Variants in KALRN observed in about 807,000 individuals in gnomAD.
KALRN encodes kalirin RhoGEF kinase, also known as kalirin.
Under a neutral mutation model 353.7 loss-of-function variants are expected in KALRN, and 70 were observed. That is an observed-to-expected ratio of 0.20 (90% confidence interval 0.16 to 0.24). The LOEUF (loss-of-function observed/expected upper bound fraction) is 0.24, where lower values mean the gene tolerates loss of function less well. Among genes scored for constraint, KALRN ranks in the 10% least tolerant of loss-of-function variants. The pLI, the probability that KALRN is intolerant of heterozygous loss-of-function variation, is 1.00. For missense variants in KALRN, 2,791 were observed against 3,756.7 expected (o/e 0.74, Z 6.72); for synonymous variants, 1,391 against 1,434.8 (o/e 0.97, Z 0.69).
rs1332503546 is a variant in KALRN at position 124,685,951 on chromosome 3, GCTGTCAAAGTTCA to G, written c.7377+6437_7377+6449del. Among the ~76,000 whole-genome samples the G allele has an allele frequency of 2.6e-5, 4 of 151,636 alleles. No homozygotes were observed. In the East Asian group the frequency reaches 7.7e-4, roughly 29 times the overall value. On this transcript the variant is annotated intron_variant, in intron 51 of 59. Coordinates refer to ENST00000682506, the MANE Select transcript of KALRN (RefSeq NM_001388419.1). ...CATCACCCCCCAACCCCACCCCCAT[GCTGTCAAAGTTCA>G]CTCAGCGTGAGTTCCTAGTCAGTTC...
intron 51 of KALRN, 21 bp downstream of exon 51, chr3:124,679,538 C>G (rs774759843): frequency 1.3e-6 from 2 of 1,597,304 alleles, no homozygotes; most frequent in Non-Finnish European, 1.7e-6. Context: ...CTATTGTTGT[C>G]CTATTTCCTA....
intron 12 of KALRN, 111 bp from the exon 13 acceptor site, chr3:124,398,586 C>T (rs1481944239): frequency 1.1e-5 from 12 of 1,046,480 alleles, no homozygotes; most frequent in Non-Finnish European, 1.6e-5. Flanking sequence ...GATTGAATGA[C>T]TCAACTGATT....
At chr3:124,666,317 TC>T (rs1159715636) in intron 45 of KALRN, 131 bp from the exon 46 acceptor site, 16 of 808,404 alleles carry the variant, frequency 2.0e-5, no homozygotes, top group Non-Finnish European at 2.7e-5. Context: ...TTCAGTCTCT[TC>T]CTAGAGCCCT....
At chr3:124,496,517 C>G in intron 33 of KALRN, 104 bp downstream of exon 33, 2 of 810,018 alleles carry the variant, frequency 2.5e-6, no homozygotes, top group South Asian at 3.1e-5. Context: ...ATCCTACCTT[C>G]AGGAGCCAGT....
At chr3:124,350,176 A>G (rs2082698267) in intron 10 of KALRN, among the ~76,000 whole-genome samples, 1 of 152,204 alleles carries the variant, frequency 6.6e-6, no homozygotes, top group Non-Finnish European at 1.5e-5. Context: ...TGTTACAACC[A>G]TTCAAGACCC....
intron 3 of KALRN, among the ~76,000 whole-genome samples, chr3:124,245,100 G>A (rs1300680635): frequency 6.6e-6 from 1 of 152,006 alleles, no homozygotes; most frequent in African/African-American, 2.4e-5. Context: ...TTCCTTCTAT[G>A]TAACTGTATT....
chr3:124,269,238 G>T lies in KALRN; in HGVS notation c.952G>T (p.Glu318Ter). The stretch of plus-strand genomic sequence containing the variant: ...CCAGTGCTTTCAGCTGCGGCTCTTC[G>T]AGCAGGATGCTGAGAAGGTAGGAAG... ...LDQCFQLRLF[E>*]QDAEKMFDWI... Residue 318 changes from glutamate (E) to a stop codon, truncating the protein, a stop_gained, in exon 5 of 60, where the codon GAG (glutamate) becomes TAG (stop). Coordinates refer to ENST00000682506, the MANE Select transcript of KALRN (RefSeq NM_001388419.1). LOFTEE classifies it high-confidence loss of function. 1 of 1,598,254 alleles carries T rather than the reference G, an allele frequency of 6.3e-7. No individual in the cohort carries two copies. Among genetic ancestry groups the T allele is most frequent in the South Asian group, 1.1e-5 (1 of 90,334 alleles).
chr3:124,402,322 A>T (rs943159584), intron 13 of KALRN, among the ~76,000 whole-genome samples: 11 of 152,232 alleles, frequency 7.2e-5, no homozygotes, highest in African/African-American at 2.7e-4. Flanking sequence ...CCATAGCTGG[A>T]TTCCTGGTAT....
chr3:124,282,441 A>G (rs1326476166), intron 5 of KALRN, among the ~76,000 whole-genome samples: 3 of 148,240 alleles, frequency 2.0e-5, no homozygotes, highest in African/African-American at 7.4e-5. Context: ...GCAATGGCAC[A>G]ATCTTGGCTC....
intron 2 of KALRN, among the ~76,000 whole-genome samples, chr3:124,230,163 A>G (rs895305536): frequency 1.3e-5 from 2 of 152,162 alleles, no homozygotes; most frequent in East Asian, 1.9e-4. Context: ...TGGGAGCCCA[A>G]TCTTATCTTT....
At chr3:124,661,273 T>C (rs757490641) in intron 44 of KALRN, among the ~76,000 whole-genome samples, 1 of 152,236 alleles carries the variant, frequency 6.6e-6, no homozygotes, top group East Asian at 1.9e-4. Context: ...AGAGATTAGA[T>C]GTAAGTTGCA....
intron 36 of KALRN, among the ~76,000 whole-genome samples, chr3:124,634,314 A>C (rs538923067): frequency 1.3e-5 from 2 of 152,328 alleles, no homozygotes; most frequent in East Asian, 3.9e-4. Context: ...TACAACCTGC[A>C]TGTTAGTTGT....
intron 33 of KALRN, among the ~76,000 whole-genome samples, chr3:124,543,696 T>A (rs944247916): frequency 3.3e-5 from 5 of 151,996 alleles, no homozygotes; most frequent in Admixed American, 3.3e-4. Flanking sequence ...TTTTTTTTTT[T>A]ATTACTTGAT....
At chr3:124,235,148 A>C (rs895759833) in intron 3 of KALRN, among the ~76,000 whole-genome samples, 1 of 152,168 alleles carries the variant, frequency 6.6e-6, no homozygotes. Flanking sequence ...TGGGAGCTGG[A>C]AGTGGCAACT....
chr3:124,694,280 T>C, intron 52 of KALRN, 52 bp from the exon 53 acceptor site: 2 of 1,573,846 alleles, frequency 1.3e-6, no homozygotes, highest in Non-Finnish European at 1.7e-6. Context: ...AAATGGCCAT[T>C]TTATTCTAAA....
intron 33 of KALRN, among the ~76,000 whole-genome samples, chr3:124,498,695 C>T (rs757299059): frequency 2.6e-5 from 4 of 152,140 alleles, no homozygotes; most frequent in Non-Finnish European, 4.4e-5. Context: ...GACATAGTCA[C>T]ACTTTCAAAA....
intron 39 of KALRN, among the ~76,000 whole-genome samples, chr3:124,656,680 G>T (rs1209097533): frequency 6.6e-6 from 1 of 152,150 alleles, no homozygotes; most frequent in African/African-American, 2.4e-5. Context: ...TACATTGCCT[G>T]CTGGTTCCTT....
chr3:124,713,366 G>A (rs548448731), intron 58 of KALRN, among the ~76,000 whole-genome samples: 3 of 152,266 alleles, frequency 2.0e-5, no homozygotes, highest in Admixed American at 6.5e-5. Context: ...CTTAAGACTA[G>A]GAATGGAGAA....
At chr3:124,459,149 C>G (rs949975109) in intron 23 of KALRN, among the ~76,000 whole-genome samples, 17 of 152,194 alleles carry the variant, frequency 1.1e-4, no homozygotes, top group African/African-American at 3.1e-4. Flanking sequence ...CCCTCCTCCC[C>G]TGACTTGCTC....
Sources: gnomAD v4.1 joint callset for allele counts (sites outside exome capture counted in the v4.1 genomes callset) on GRCh38, gnomAD v4.1.1 for gene constraint, MANE v1.5 for transcripts, NCBI Gene and HGNC (gene_info 2026-07-23, HGNC 2026-07-21) for gene names.